MCF2: variants seen among roughly 807,000 people sequenced by gnomAD.
The protein encoded by MCF2 is MCF.2 cell line derived transforming sequence, also known as proto-oncogene DBL.
A neutral mutation model predicts 82.5 loss-of-function variants in MCF2; 44 were observed. The observed-to-expected ratio is 0.53, with a 90% CI of 0.42 to 0.69. The LOEUF is 0.69. Among genes scored for constraint, MCF2 ranks in the 30% least tolerant of loss-of-function variants. MCF2 has a pLI of 0.00. For synonymous variants in MCF2, 217 were observed against 224.9 expected (o/e 0.96, Z 0.32); for missense variants, 623 against 663.1 (o/e 0.94, Z 0.66).
At chrX:139,654,180 T>C (rs1176094344) in intron 1 of MCF2, among the ~76,000 whole-genome samples, 1 of 111,717 alleles carries the variant, frequency 9.0e-6, no homozygotes, top group East Asian at 2.8e-4. Context: ...TGTTGGATTC[T>C]ATGGTAGTTC....
chrX:139,685,214 A>T (rs1372205929), intron 1 of MCF2, among the ~76,000 whole-genome samples: 2 of 111,025 alleles, frequency 1.8e-5, no homozygotes, highest in Admixed American at 9.6e-5. Flanking sequence ...AAGTCAAATT[A>T]TCTCTGTTTG....
intron 1 of MCF2, among the ~76,000 whole-genome samples, chrX:139,659,626 C>T (rs1195711074): frequency 8.9e-6 from 1 of 111,817 alleles, no homozygotes; most frequent in Non-Finnish European, 1.9e-5. Context: ...CTGAACCAGG[C>T]TGCACACACG....
chrX:139,640,151 C>G (rs17002196), intron 1 of MCF2, among the ~76,000 whole-genome samples: 1 of 111,501 alleles, frequency 9.0e-6, no homozygotes, highest in South Asian at 3.7e-4. Context: ...ATGATTTGAC[C>G]TTGATGTTTC....
chrX:139,625,862 T>G (rs1932737525), intron 6 of MCF2, among the ~76,000 whole-genome samples: 1 of 111,763 alleles, frequency 8.9e-6, no homozygotes, highest in African/African-American at 3.3e-5. Context: ...TTGGTATTAT[T>G]CCCTTGGAAA....
chrX:139,699,060 T>C (rs963888935), intron 1 of MCF2, among the ~76,000 whole-genome samples: 1 of 111,765 alleles, frequency 8.9e-6, no homozygotes, highest in African/African-American at 3.2e-5. Flanking sequence ...GTCCAAAGCA[T>C]AACTAGATCT....
At chrX:139,607,259 T>C (rs1287387616) in intron 12 of MCF2, 1 of 111,999 alleles carries the variant, frequency 8.9e-6, no homozygotes, top group Non-Finnish European at 1.9e-5. Context: ...ACACTTTAAA[T>C]ATACATAATT....
chrX:139,598,390 T>C lies in MCF2; in HGVS notation c.1929+16A>G. On this transcript the variant is annotated intron_variant, in intron 17 of 24. Transcript: ENST00000370576. ...CTCAAAAAGTAAAGAAACAAACAAA[T>C]GCTTCATATAATTACCTTCAACAAT... is the stretch of plus-strand genomic sequence containing the variant. 9.6e-7 allele frequency: 1 copy of C among 1,044,267 alleles called. No individual in the cohort carries two copies. The highest frequency in any genetic ancestry group is 1.3e-6 in the Non-Finnish European group (1 of 751,720). The allele number at this position is 1,044,267 out of a possible 1,213,427, so 86.1% of individuals were successfully genotyped here.
chrX:139,615,822 C>T (rs1276591962), intron 9 of MCF2, among the ~76,000 whole-genome samples: 2 of 111,890 alleles, frequency 1.8e-5, no homozygotes, highest in African/African-American at 6.5e-5. Flanking sequence ...GCCTGCTCCT[C>T]CTTCTCCAAG....
At chrX:139,596,408 A>G in intron 19 of MCF2, 141 bp downstream of exon 23, 2 of 465,206 alleles carry the variant, frequency 4.3e-6, no homozygotes, top group East Asian at 3.7e-5. Context: ...TGACTTCTAC[A>G]TAAGACTTAA....
intron 6 of MCF2, 74 bp from the exon 10 acceptor site, chrX:139,619,780 T>C: frequency 1.2e-6 from 1 of 804,951 alleles, no homozygotes; most frequent in Non-Finnish European, 1.7e-6. Context: ...TACAAAATGC[T>C]TTTAAACAAA....
chrX:139,626,684 C>A, exon 5 of MCF2: 4 of 1,205,474 alleles, frequency 3.3e-6, no homozygotes, highest in Non-Finnish European at 4.5e-6. Context: ...GAACTGACAG[C>A]TCCTTCAGTG....
intron 1 of MCF2, among the ~76,000 whole-genome samples, chrX:139,690,711 ATGTGT>A (rs1935242005): frequency 9.0e-6 from 1 of 111,723 alleles, no homozygotes; most frequent in Admixed American, 9.5e-5. Context: ...TATTTGGAAC[ATGTGT>A]TGTGGCTATC....
At chrX:139,631,666 G>A (rs965865540) in intron 2 of MCF2, among the ~76,000 whole-genome samples, 155 bp from the exon 6 acceptor site, 1 of 111,390 alleles carries the variant, frequency 9.0e-6, no homozygotes. Context: ...ACATGTATGC[G>A]CTACCTTCTT....
chrX:139,703,824 GA>G (rs1222067654), intron 1 of MCF2, among the ~76,000 whole-genome samples: 1 of 111,132 alleles, frequency 9.0e-6, no homozygotes, highest in African/African-American at 3.3e-5. Context: ...AGAAGAAATA[GA>G]AAAAAAATTT....
At chrX:139,674,327 G>C (rs1777356936) in intron 1 of MCF2, among the ~76,000 whole-genome samples, 1 of 111,591 alleles carries the variant, frequency 9.0e-6, no homozygotes, top group South Asian at 3.8e-4. Context: ...TTACATTTAA[G>C]ATTAATATAG....
chrX:139,629,810 ATTTC>A lies in MCF2; in HGVS notation c.319_322del (p.Glu107TrpfsTer24), dbSNP rs1306168921. 8.3e-7 allele frequency: 1 copy of A among 1,206,461 alleles called. No individual in the cohort carries two copies. On this transcript the variant is annotated frameshift_variant, in exon 4 of 25. Coordinates refer to ENST00000370576, the Ensembl canonical transcript of MCF2. LOFTEE classifies it high-confidence loss of function. ...TCCAAAGGACTGTAACATCTGAGCC[ATTTC>A]TTTCACTGTGAGGGCAAAATTTTCT...
intron 1 of MCF2, among the ~76,000 whole-genome samples, chrX:139,695,396 T>C (rs936932098): frequency 1.4e-4 from 16 of 112,249 alleles, no homozygotes; most frequent in African/African-American, 5.2e-4. Context: ...ATTTTTAAAA[T>C]GAAATTATTG....
chrX:139,651,906 T>A (rs1934033744), intron 1 of MCF2, 118 bp from the exon 2 acceptor site: 3 of 422,737 alleles, frequency 7.1e-6, no homozygotes, highest in Non-Finnish European at 1.2e-5. Flanking sequence ...CAGGTCTGTG[T>A]CCACAGACAC....
In MCF2 at chrX:139,685,319, G is replaced by A. The variant is rs368439508; in HGVS notation, c.-45+22787C>T. ...AAAGAAGAAGTAAAAACTAAAAGGC[G>A]GAAAAGAAATCCACAAGCAGACAGC... On this transcript the variant is annotated intron_variant, in intron 1 of 27. Coordinates refer to the MCF2 transcript ENST00000414978. Among the ~76,000 whole-genome samples the A allele has an allele frequency of 9.9e-5, 11 of 110,848 alleles. No homozygotes were observed. The East Asian group carries it at 1.7e-3, about 17-fold the overall frequency.
Sources: allele counts gnomAD v4.1 joint callset (sites outside exome capture counted in the v4.1 genomes callset), GRCh38; gene constraint gnomAD v4.1.1; transcripts MANE v1.5; gene names NCBI Gene and HGNC (gene_info 2026-07-23, HGNC 2026-07-21).